The following TLR5 variants were observed in gnomAD, a reference collection of about 807,000 sequenced individuals.
TLR5 encodes the protein toll like receptor 5, also known as toll-like receptor 5.
For synonymous variants in TLR5, 373 were observed against 384.4 expected, an observed-to-expected ratio of 0.97 and a Z score of 0.35; for missense variants, 944 against 999.8, an observed-to-expected ratio of 0.94 and a Z score of 0.75.
At chr1:223,115,886 G>A (rs988549103) in intron 5 of TLR5, among the ~76,000 whole-genome samples, 1 of 152,118 alleles carries the variant, frequency 6.6e-6, no homozygotes, top group South Asian at 2.1e-4. Flanking sequence ...AGGTCCTAGG[G>A]TGGAAGTACC....
intron 5 of TLR5, among the ~76,000 whole-genome samples, chr1:223,130,430 C>T (rs1001384194): frequency 6.6e-6 from 1 of 152,212 alleles, no homozygotes; most frequent in Non-Finnish European, 1.5e-5. Context: ...AATTTGCTCA[C>T]ATCCTGCCTG....
chr1:223,132,553 G>C lies in TLR5; in HGVS notation c.-83C>G, dbSNP rs937763662. 6.6e-6 allele frequency: 1 copy of C among 152,222 alleles called. No homozygotes were observed. The highest frequency in any genetic ancestry group is 1.5e-5 in the Non-Finnish European group (1 of 68,024). The allele number at this position is 152,222 out of a possible 1,614,324, so 9.4% of individuals were successfully genotyped here. A position where few individuals can be genotyped will look rare whatever the true frequency, so the allele number is the denominator to read the frequency against. On this transcript the variant is annotated 5_prime_UTR_variant, in exon 5 of 6. Coordinates refer to ENST00000642603, the MANE Select transcript of TLR5 (RefSeq NM_003268.6). ...GGTCCCTGGTTGTTTAAAGACTTCA[G>C]TTCCTGAGACTATAGGAATCTCATC...
Position 223,111,161 on chromosome 1 carries a change from A to G in TLR5, c.1871T>C (p.Leu624Pro). The G allele has an allele frequency of 6.2e-7, 1 of 1,614,220 alleles. No homozygotes were observed. The highest frequency in any genetic ancestry group is 2.2e-5 in the East Asian group (1 of 44,890). The change falls in exon 6 of 6, where the codon CTT becomes CCT. Residue 624 changes from leucine (L) to proline (P), a missense_variant. Coordinates refer to ENST00000642603, the MANE Select transcript of TLR5 (RefSeq NM_003268.6). ...CTCTTCATCACAACCTTCCGTGGAA[A>G]GAGAGAAGAGGGAAACCCCAGAGAA... ...DSFSGVSLFS[L>P]STEGCDEEEV...
chr1:223,142,196 C>T (rs1037835907), intron 1 of TLR5, among the ~76,000 whole-genome samples: 2 of 152,190 alleles, frequency 1.3e-5, no homozygotes, highest in Admixed American at 6.5e-5. Flanking sequence ...TGCTCCTGCA[C>T]GGTAGCTACC....
chr1:223,110,767 A>G lies in TLR5; in HGVS notation c.2265T>C (p.Val755=). The G allele has an allele frequency of 6.2e-7, 1 of 1,614,224 alleles. No homozygotes were observed. The highest frequency in any genetic ancestry group is 8.5e-7 in the Non-Finnish European group (1 of 1,180,024). The part of the protein sequence containing the change: ...QDAIWNSRKI[V]CLVSRHFLRD... ...TAAGGAAGTGTCTGCTCACAAGACA[A>G]ACGATCTTTCTACTGTTCCAGATGG... The change falls in exon 6 of 6, where the codon GTT becomes GTC. Residue 755 remains valine (V), a synonymous_variant. Transcript: ENST00000642603.
chr1:223,142,602 T>A (rs1412059610), intron 1 of TLR5, among the ~76,000 whole-genome samples: 1 of 152,148 alleles, frequency 6.6e-6, no homozygotes, highest in Non-Finnish European at 1.5e-5. Context: ...CACTGGGCAA[T>A]GATCTTCACA....
chr1:223,129,415 C>G (rs2102917277), intron 5 of TLR5: 1 of 152,504 alleles, frequency 6.6e-6, no homozygotes, highest in African/African-American at 2.4e-5. Flanking sequence ...CAGCAGCGGA[C>G]CTGCCGCGGT....
chr1:223,137,536 T>A (rs968351666), intron 2 of TLR5, among the ~76,000 whole-genome samples: 4 of 152,170 alleles, frequency 2.6e-5, no homozygotes, highest in Admixed American at 6.5e-5. Context: ...GGGAGTCTCA[T>A]TACAGGCCAG....
chr1:223,129,023 C>T, intron 5 of TLR5: 1 of 152,402 alleles, frequency 6.6e-6, no homozygotes, highest in Non-Finnish European at 1.5e-5. Flanking sequence ...TGCGCGCGCT[C>T]ACTTCTCTGC....
At chr1:223,135,796 T>G (rs79088436) in intron 3 of TLR5, among the ~76,000 whole-genome samples, 126 of 152,304 alleles carry the variant, frequency 8.3e-4, no homozygotes, top group Middle Eastern at 3.4e-3. Flanking sequence ...ATGTTATTAA[T>G]GTACCGATGA....
At chr1:223,123,737 C>A (rs2102902019) in intron 5 of TLR5, 1 of 152,398 alleles carries the variant, frequency 6.6e-6, no homozygotes, top group Middle Eastern at 3.4e-3. Flanking sequence ...TGAATGAGCA[C>A]TGGGATTGGG....
chr1:223,112,441 C>G lies in TLR5; in HGVS notation c.591G>C (p.Thr197=). ...EHELEPLQGK[T]LSFFSLAANS... is the part of the protein sequence containing the mutation. ...TAGCTGCGAGGCTAAAAAAGGAGAG[C>G]GTTTTCCCTTGTAGGGGCTCGAGCT... Residue 197 remains threonine, a synonymous_variant, in exon 6 of 6, where the codon ACG becomes ACC. Coordinates refer to ENST00000642603, the MANE Select transcript of TLR5 (RefSeq NM_003268.6). 1 of 1,614,158 alleles carries G rather than the reference C, an allele frequency of 6.2e-7. No individual in the cohort carries two copies. Among genetic ancestry groups the G allele is most frequent in the East Asian group, 2.2e-5 (1 of 44,882 alleles).
At chr1:223,130,661 T>C (rs913410933) in intron 5 of TLR5, among the ~76,000 whole-genome samples, 1 of 152,254 alleles carries the variant, frequency 6.6e-6, no homozygotes. Flanking sequence ...TTGCACCATC[T>C]GCTTCTGAGA....
intron 5 of TLR5, among the ~76,000 whole-genome samples, chr1:223,118,595 A>T (rs1656793143): frequency 6.6e-6 from 1 of 151,976 alleles, no homozygotes; most frequent in Non-Finnish European, 1.5e-5. Context: ...CTGGGTTGTG[A>T]TAAGAGGTTG....
rs1010550418 is a variant in TLR5 at position 223,110,601 on chromosome 1, G to A, written c.2431C>T (p.Gln811Ter). 2 of 1,614,054 alleles carry A rather than the reference G, an allele frequency of 1.2e-6. No individual in the cohort carries two copies. Residue 811 changes from glutamine to a stop codon, truncating the protein, a stop_gained, in exon 6 of 6, where the codon CAG becomes TAG. Transcript: ENST00000642603. LOFTEE classifies it low-confidence loss of function (END_TRUNC). ...MKHQSIRGFV[Q>*]KQQYLRWPED... is the part of the protein sequence containing the mutation. The stretch of plus-strand genomic sequence containing the variant: ...GGCCACCTCAAATACTGCTGTTTCT[G>A]TACAAAGCCTCTGATGGATTGATGT...
In TLR5 at chr1:223,131,771, G is replaced by A. The variant is rs1466037007; in HGVS notation, c.-5+704C>T. ...TTGTTGTTTTTGTTTTGTAGAGACA[G>A]GGTTCCACCATGTTGCCCAGACTGG... On this transcript the variant is annotated intron_variant, in intron 5 of 5. Coordinates refer to ENST00000642603, the MANE Select transcript of TLR5 (RefSeq NM_003268.6). This position sits in a 1 kb window ranked among gnomAD's most constrained non-coding sequence, Gnocchi z 4.2. Among the ~76,000 whole-genome samples the A allele has an allele frequency of 6.6e-6, 1 of 151,884 alleles. No homozygotes were observed.
chr1:223,141,183 G>C (rs1657822438), intron 2 of TLR5, among the ~76,000 whole-genome samples: 2 of 152,302 alleles, frequency 1.3e-5, no homozygotes, highest in Admixed American at 1.3e-4. Flanking sequence ...ATAAACAGGA[G>C]AGTTTTGCTT....
At chr1:223,120,522 T>C (rs754868524) in intron 5 of TLR5, among the ~76,000 whole-genome samples, 24 of 152,242 alleles carry the variant, frequency 1.6e-4, no homozygotes, top group Non-Finnish European at 3.1e-4. Context: ...CTTAGGCACA[T>C]GTTCTCAGGA....
intron 3 of TLR5, among the ~76,000 whole-genome samples, chr1:223,136,208 T>C (rs1182622376): frequency 1.3e-5 from 2 of 152,188 alleles, no homozygotes; most frequent in Non-Finnish European, 2.9e-5. Flanking sequence ...AAGACAGGAC[T>C]CTGGCAGGAC....
Sources: allele counts gnomAD v4.1 joint callset (sites outside exome capture counted in the v4.1 genomes callset), GRCh38; gene constraint gnomAD v4.1.1; non-coding constraint Gnocchi (gnomAD v3.1); transcripts MANE v1.5; gene names NCBI Gene and HGNC (gene_info 2026-07-23, HGNC 2026-07-21).